WASF3: variants seen among roughly 807,000 people sequenced by gnomAD.
WASF3 encodes the protein actin-binding protein WASF3.
In WASF3, 11 loss-of-function variants were observed where a neutral mutation model predicts 46.6. That is an observed-to-expected ratio of 0.24 (90% CI 0.15 to 0.39). The LOEUF (loss-of-function observed/expected upper bound fraction) is 0.39. Among genes scored for constraint, WASF3 ranks in the 10% least tolerant of loss-of-function variants. WASF3 has a pLI of 1.00. For synonymous variants in WASF3, 242 were observed against 259.7 expected (o/e 0.93, Z 0.65); for missense variants, 576 against 669.8 (o/e 0.86, Z 1.55).
At chr13:26,611,264 A>G (rs926962789) in intron 1 of WASF3, among the ~76,000 whole-genome samples, 3 of 152,044 alleles carry the variant, frequency 2.0e-5, no homozygotes, top group African/African-American at 7.2e-5. Context: ...TAATTTCTTC[A>G]TTTTTAAATG....
At chr13:26,563,156 T>C (rs1167292527) in intron 1 of WASF3, among the ~76,000 whole-genome samples, 1 of 151,788 alleles carries the variant, frequency 6.6e-6, no homozygotes, top group Non-Finnish European at 1.5e-5. Flanking sequence ...CTCCTGTCAG[T>C]GTTTTTTCTG....
At chr13:26,654,850 A>G (rs1447450724) in intron 3 of WASF3, among the ~76,000 whole-genome samples, 2 of 152,280 alleles carry the variant, frequency 1.3e-5, no homozygotes, top group African/African-American at 4.8e-5. Flanking sequence ...TACAATAAGC[A>G]TGTGTTGCTT....
chr13:26,566,413 A>G (rs1879465728), intron 1 of WASF3, among the ~76,000 whole-genome samples: 1 of 152,242 alleles, frequency 6.6e-6, no homozygotes, highest in South Asian at 2.1e-4. Context: ...ATATATAAAG[A>G]CCAGAAATGA....
chr13:26,593,939 C>T (rs1566044943), intron 1 of WASF3, among the ~76,000 whole-genome samples: 1 of 152,176 alleles, frequency 6.6e-6, no homozygotes, highest in Non-Finnish European at 1.5e-5. Flanking sequence ...TGTTTTATTA[C>T]ATACATAACA....
chr13:26,606,015 C>T (rs758973214), intron 1 of WASF3, among the ~76,000 whole-genome samples: 3 of 152,146 alleles, frequency 2.0e-5, no homozygotes, highest in Non-Finnish European at 4.4e-5. Flanking sequence ...TACTGAGATG[C>T]AGTGAACATG....
At chr13:26,647,069 G>A (rs498498) in intron 3 of WASF3, among the ~76,000 whole-genome samples, 46,335 of 151,962 alleles carry the variant, frequency 0.3, 7,442 homozygotes, top group East Asian at 0.58. Flanking sequence ...TTCACTTCAA[G>A]GGCCAGAAAT....
chr13:26,558,248 G>A (rs1196965935), intron 1 of WASF3, among the ~76,000 whole-genome samples: 2 of 152,082 alleles, frequency 1.3e-5, no homozygotes, highest in Admixed American at 6.5e-5. Context: ...CATCCGTTCA[G>A]TGTCTGCGCG....
the WASF3 span, among the ~76,000 whole-genome samples, chr13:26,540,434 C>A: frequency 1.3e-5 from 2 of 152,200 alleles, no homozygotes; most frequent in African/African-American, 2.4e-5. Context: ...GTCCTGGCAA[C>A]CTCGAGCATT....
At chr13:26,578,808 A>G (rs1232729399) in intron 1 of WASF3, among the ~76,000 whole-genome samples, 5 of 152,008 alleles carry the variant, frequency 3.3e-5, no homozygotes, top group Non-Finnish European at 7.4e-5. Context: ...TGAGACACAC[A>G]TACTGTATTG....
Position 26,561,619 on chromosome 13 carries a change from A to G in WASF3, c.-109+3800A>G, listed in dbSNP as rs80189127. On this transcript the variant is annotated intron_variant, in intron 1 of 9. Coordinates refer to ENST00000335327, the MANE Select transcript of WASF3 (RefSeq NM_006646.6). ...TCTCAAACAGTTTGAGAGTTTCCCAAACTATCAGCTAAGGTGCTACAGCAA... is the reference window on the plus strand; with the variant it reads ...TCTCAAACAGTTTGAGAGTTTCCCAGACTATCAGCTAAGGTGCTACAGCAA... 6.3e-3 allele frequency among the ~76,000 whole-genome samples: 965 copies of G among 152,300 alleles called. 8 individuals carry two copies. Among genetic ancestry groups the G allele is most frequent in the African/African-American group, 0.022 (917 of 41,556 alleles).
chr13:26,600,339 G>T (rs1225296772), intron 1 of WASF3, among the ~76,000 whole-genome samples: 3 of 152,226 alleles, frequency 2.0e-5, no homozygotes, highest in African/African-American at 7.2e-5. Flanking sequence ...CCTGGGGCAA[G>T]CCACTTCACT....
At chr13:26,587,132 G>A (rs1289810738) in intron 1 of WASF3, among the ~76,000 whole-genome samples, 4 of 135,382 alleles carry the variant, frequency 3.0e-5, no homozygotes, top group South Asian at 2.4e-4. Flanking sequence ...AAAGGAAGAA[G>A]AATCCTCAGT....
chr13:26,540,463 C>T, the WASF3 span, among the ~76,000 whole-genome samples: 1 of 152,172 alleles, frequency 6.6e-6, no homozygotes, highest in Non-Finnish European at 1.5e-5. Context: ...TCCTAATTTC[C>T]TGCAGCTCAC....
chr13:26,559,804 C>CTT lies in WASF3; in HGVS notation c.-109+1987_-109+1988dup, dbSNP rs772509989. ...TTTCTTTTCTTTTCTTTCTTTCTTT[C>CTT]TTTCTTTTTTTTTTTTTTTTTTTTT... On this transcript the variant is annotated intron_variant, in intron 1 of 9. Transcript: ENST00000335327. Among the ~76,000 whole-genome samples, 387 of 50,550 alleles carry CTT rather than the reference C, an allele frequency of 7.7e-3. 20 individuals carry two copies. The highest frequency in any genetic ancestry group is 0.015 in the African/African-American group (188 of 12,836). 33.2% of individuals were successfully genotyped at this position (50,550 alleles called of 152,430 possible).
chr13:26,574,137 A>G (rs1474578884), intron 1 of WASF3, among the ~76,000 whole-genome samples: 1 of 152,112 alleles, frequency 6.6e-6, no homozygotes, highest in Non-Finnish European at 1.5e-5. Context: ...CATAGTAATG[A>G]TTTCTTTGTG....
At chr13:26,669,198 A>C (rs1593180799) in intron 5 of WASF3, among the ~76,000 whole-genome samples, 1 of 135,500 alleles carries the variant, frequency 7.4e-6, no homozygotes, top group Non-Finnish European at 1.6e-5. Context: ...AATAAAGCAT[A>C]TCTTTGACTT....
intron 3 of WASF3, among the ~76,000 whole-genome samples, chr13:26,658,502 T>C (rs976926934): frequency 2.0e-5 from 3 of 152,234 alleles, no homozygotes; most frequent in Non-Finnish European, 4.4e-5. Flanking sequence ...TCTTGCAGAT[T>C]GCCAGTGCAC....
rs1555257029 is a variant in WASF3 at position 26,687,723 on chromosome 13, C to CTGTT, written c.*1879_*1880insGTTT. On this transcript the variant is annotated 3_prime_UTR_variant, in exon 10 of 10. Coordinates refer to ENST00000335327, the MANE Select transcript of WASF3 (RefSeq NM_006646.6). ...AAATTTCTAATTTCTCTCTCTCTCT[C>CTGTT]TTTTTTTTTTTTTTGTTGTTGTTAA... The CTGTT allele has an allele frequency of 3.6e-5, 5 of 139,078 alleles. No individual in the cohort carries two copies. The highest frequency in any genetic ancestry group is 6.1e-5 in the Non-Finnish European group (4 of 65,172). The allele number at this position is 139,078 out of a possible 1,614,324, so 8.6% of individuals were successfully genotyped here. A position where few individuals can be genotyped will look rare whatever the true frequency, so the allele number is the denominator to read the frequency against.
At chr13:26,550,599 T>G in the WASF3 span, among the ~76,000 whole-genome samples, 3 of 152,204 alleles carry the variant, frequency 2.0e-5, no homozygotes, top group Non-Finnish European at 2.9e-5. Context: ...ATTCAAGAGC[T>G]CATGGTCTTT....
Sources: allele counts gnomAD v4.1 joint callset (sites outside exome capture counted in the v4.1 genomes callset), GRCh38; gene constraint gnomAD v4.1.1; transcripts MANE v1.5; gene names NCBI Gene and HGNC (gene_info 2026-07-23, HGNC 2026-07-21).